DLGAP2: variants seen among roughly 807,000 people sequenced by gnomAD.
DLGAP2 encodes disks large-associated protein 2.
DLGAP2 carries 26 observed loss-of-function variants against 100.3 expected under a neutral mutation model. The ratio of observed to expected loss-of-function variants is 0.26; its 90% CI spans 0.19 to 0.36. The LOEUF (loss-of-function observed/expected upper bound fraction) is 0.36, where lower values mean the gene tolerates loss of function less well. DLGAP2 is among the 10% of genes least tolerant of loss of function. The pLI is 1.00. For synonymous variants in DLGAP2, 886 were observed against 630.1 expected, an observed-to-expected ratio of 1.41 and a Z score of -6.08; for missense variants, 1,858 against 1,453.2, an observed-to-expected ratio of 1.28 and a Z score of -4.53.
intron 6 of DLGAP2, among the ~76,000 whole-genome samples, chr8:1,583,012 A>G (rs1040326993): frequency 6.6e-6 from 1 of 152,228 alleles, no homozygotes; most frequent in Non-Finnish European, 1.5e-5. Flanking sequence ...AGTGAGACGC[A>G]CTGACCCATT....
chr8:1,630,024 A>G (rs1797603658), intron 7 of DLGAP2, among the ~76,000 whole-genome samples: 1 of 152,240 alleles, frequency 6.6e-6, no homozygotes. Context: ...ATGGTTAAGC[A>G]GACAAGTTGG....
At chr8:1,518,768 C>G (rs992784661) in intron 4 of DLGAP2, among the ~76,000 whole-genome samples, 3 of 152,212 alleles carry the variant, frequency 2.0e-5, no homozygotes, top group Admixed American at 2.0e-4. Context: ...ATTCTGCAAA[C>G]CATATCGAAC....
chr8:1,547,469 G>A (rs1332263650), intron 4 of DLGAP2, among the ~76,000 whole-genome samples: 1 of 152,106 alleles, frequency 6.6e-6, no homozygotes, highest in East Asian at 1.9e-4. Flanking sequence ...TGACAAGGAG[G>A]AGGGTCTGGG....
chr8:1,174,984 A>G (rs552588044), intron 2 of DLGAP2, among the ~76,000 whole-genome samples: 4 of 152,316 alleles, frequency 2.6e-5, no homozygotes, highest in African/African-American at 9.6e-5. Context: ...TCCCCCAAGA[A>G]TGAAAATTAG....
chr8:796,857 T>C (rs942020922), intron 1 of DLGAP2, among the ~76,000 whole-genome samples: 3 of 152,068 alleles, frequency 2.0e-5, no homozygotes, highest in African/African-American at 7.2e-5. Context: ...CCACCTTCCT[T>C]TCCCTTAGTG....
chr8:1,232,962 C>T (rs555248312), intron 2 of DLGAP2, among the ~76,000 whole-genome samples: 2 of 152,182 alleles, frequency 1.3e-5, no homozygotes, highest in Non-Finnish European at 2.9e-5. Flanking sequence ...CCTAGGAAGT[C>T]CCCAGTCTAC....
At chr8:1,469,939 T>G (rs984935714) in intron 3 of DLGAP2, among the ~76,000 whole-genome samples, 8 of 151,540 alleles carry the variant, frequency 5.3e-5, no homozygotes, top group Non-Finnish European at 1.0e-4. Flanking sequence ...GAGGATTGCT[T>G]GAGCCCAGAA....
At chr8:1,519,325 C>T (rs1483129975) in intron 4 of DLGAP2, among the ~76,000 whole-genome samples, 4 of 151,624 alleles carry the variant, frequency 2.6e-5, no homozygotes, top group African/African-American at 9.7e-5. Flanking sequence ...AAAAAAAAAT[C>T]TAAACATGTG....
intron 4 of DLGAP2, among the ~76,000 whole-genome samples, 180 bp downstream of exon 4, chr8:1,501,611 G>A (rs1030769603): frequency 6.6e-6 from 1 of 152,224 alleles, no homozygotes; most frequent in Middle Eastern, 3.2e-3. Flanking sequence ...TAAGCATTAC[G>A]GAAGTGCTAG....
chr8:1,145,683 T>C (rs12682127), intron 2 of DLGAP2, among the ~76,000 whole-genome samples: 15,615 of 151,240 alleles, frequency 0.1, 949 homozygotes, highest in East Asian at 0.24. Flanking sequence ...TACATATGTA[T>C]ACATGTGCCA....
At chr8:893,068 C>A (rs1056384818) in intron 1 of DLGAP2, 2 of 152,184 alleles carry the variant, frequency 1.3e-5, no homozygotes, top group Non-Finnish European at 2.9e-5. Flanking sequence ...AAAGAGGCTG[C>A]CTTTGCCTTT....
Position 921,473 on chromosome 8 carries a change from G to A in DLGAP2, c.73+13507G>A, listed in dbSNP as rs150872252. ...ATTGCAGTGTTGAGTGTGGATGCAC[G>A]TCTATGAGCATTTCTGTGGCCACGT... On this transcript the variant is annotated intron_variant, in intron 2 of 14. Coordinates refer to ENST00000637795, the MANE Select transcript of DLGAP2 (RefSeq NM_001346810.2). 3.4e-3 allele frequency among the ~76,000 whole-genome samples: 521 copies of A among 152,294 alleles called. 4 individuals carry two copies. The highest frequency in any genetic ancestry group is 0.011 in the African/African-American group (457 of 41,560).
At chr8:836,978 C>T (rs562995690) in intron 1 of DLGAP2, among the ~76,000 whole-genome samples, 6 of 152,338 alleles carry the variant, frequency 3.9e-5, no homozygotes, top group African/African-American at 1.4e-4. Context: ...GGTAGGAAAA[C>T]AATGTTCTTC....
chr8:738,060 C>T (rs1214222392), intron 1 of DLGAP2: 4 of 280,842 alleles, frequency 1.4e-5, no homozygotes, highest in Non-Finnish European at 2.6e-5. Context: ...TCCCTGGCCG[C>T]GCTCGGGGGT....
At chr8:1,373,354 G>T (rs1232217081) in intron 3 of DLGAP2, among the ~76,000 whole-genome samples, 1 of 151,962 alleles carries the variant, frequency 6.6e-6, no homozygotes. Flanking sequence ...CGCCTGGACC[G>T]TGGCCGCAGG....
intron 1 of DLGAP2, among the ~76,000 whole-genome samples, chr8:808,736 C>G (rs1401171286): frequency 6.6e-6 from 1 of 152,210 alleles, no homozygotes; most frequent in East Asian, 1.9e-4. Context: ...TGCCAGCCAA[C>G]CCACCTCACG....
chr8:994,850 G>C (rs767286594), intron 2 of DLGAP2, among the ~76,000 whole-genome samples: 2 of 152,120 alleles, frequency 1.3e-5, no homozygotes, highest in Admixed American at 1.3e-4. Context: ...TCCAGTTTAC[G>C]GACTGCTGGG....
intron 8 of DLGAP2, among the ~76,000 whole-genome samples, chr8:1,659,672 AT>A: frequency 6.6e-6 from 1 of 151,770 alleles, no homozygotes. Context: ...AACTCCTGCT[AT>A]TTTTTGCTTT....
chr8:966,534 GT>G lies in DLGAP2; in HGVS notation c.73+58573del, dbSNP rs1799875993. On this transcript the variant is annotated intron_variant, in intron 2 of 14. Transcript: ENST00000637795. ...ATGCTTTCATATCTTTTTTTTAAAAGTTTTTAATTTTCAAACTTTTTAAAAA... is the reference window on the plus strand; with the variant it reads ...ATGCTTTCATATCTTTTTTTTAAAAGTTTTAATTTTCAAACTTTTTAAAAA... Among the ~76,000 whole-genome samples the G allele has an allele frequency of 6.6e-5, 10 of 152,180 alleles. No individual in the cohort carries two copies. In the South Asian group the frequency reaches 2.1e-3, roughly 32 times the overall value.
Sources: allele counts gnomAD v4.1 joint callset (sites outside exome capture counted in the v4.1 genomes callset), GRCh38; gene constraint gnomAD v4.1.1; transcripts MANE v1.5; gene names NCBI Gene and HGNC (gene_info 2026-07-23, HGNC 2026-07-21).